The following IL17RB variants were observed in gnomAD, a reference collection of about 807,000 sequenced individuals.
IL17RB encodes the protein interleukin-17 receptor B.
In IL17RB, 36 loss-of-function variants were observed where a neutral mutation model predicts 43.9. That is an observed-to-expected ratio of 0.82 (90% confidence interval 0.63 to 1.08). The LOEUF (loss-of-function observed/expected upper bound fraction) is 1.08, where lower values mean the gene tolerates loss of function less well. Ranked by LOEUF, IL17RB falls within the 50% of genes least tolerant of loss-of-function variation. The pLI is 0.00. For missense variants in IL17RB, 613 were observed against 613.6 expected (o/e 1.00, Z 0.01); for synonymous variants, 225 against 225.4 (o/e 1.00, Z 0.02).
At position 53,860,116 on chromosome 3, in the gene IL17RB, TTTG is replaced by T. The variant is rs1342209996; in HGVS notation, c.848-11_848-9del. 6.2e-7 allele frequency: 1 copy of T among 1,603,990 alleles called. No individual in the cohort carries two copies. The highest frequency in any genetic ancestry group is 8.5e-7 in the Non-Finnish European group (1 of 1,171,904). Reference sequence around the variant, plus strand: ...ATTTGTTTTCCAAAGGTGAATAAGCTTTGTTTTTTCCAGACAAAAGCAAGCCGG... The same window carrying T: ...ATTTGTTTTCCAAAGGTGAATAAGCTTTTTTTCCAGACAAAAGCAAGCCGG... On this transcript the variant is annotated splice_polypyrimidine_tract_variant and intron_variant, in intron 9 of 10. Transcript: ENST00000288167.
chr3:53,853,004 T>C lies in IL17RB; in HGVS notation c.481+7T>C. On this transcript the variant is annotated splice_region_variant and intron_variant, in intron 5 of 10. Transcript: ENST00000288167. ...GTGAATTTCACCTCACCAGGTAAACTTCCTCATTTGTTTATTATTCTTTGT... is the reference window on the plus strand; with the variant it reads ...GTGAATTTCACCTCACCAGGTAAACCTCCTCATTTGTTTATTATTCTTTGT... 6.2e-7 allele frequency: 1 copy of C among 1,613,936 alleles called. No individual in the cohort carries two copies.
chr3:53,863,262 T>G (rs1699633574), intron 10 of IL17RB, among the ~76,000 whole-genome samples: 1 of 152,200 alleles, frequency 6.6e-6, no homozygotes, highest in Non-Finnish European at 1.5e-5. Context: ...TTCAACTGCA[T>G]GCAGGGCCGG....
At chr3:53,850,808 A>C (rs1367166788) in intron 3 of IL17RB, among the ~76,000 whole-genome samples, 1 of 145,336 alleles carries the variant, frequency 6.9e-6, no homozygotes, top group Non-Finnish European at 1.5e-5. Flanking sequence ...CTCAAAATAA[A>C]ATAAAATAAA....
intron 10 of IL17RB, among the ~76,000 whole-genome samples, chr3:53,862,289 C>T (rs1699590111): frequency 6.6e-6 from 1 of 152,110 alleles, no homozygotes; most frequent in Admixed American, 6.5e-5. Context: ...CTTCAAGGCT[C>T]ATTACACACA....
At chr3:53,858,527 G>A (rs1699435338) in intron 8 of IL17RB, 192 bp from the exon 9 acceptor site, 7 of 1,419,516 alleles carry the variant, frequency 4.9e-6, no homozygotes, top group African/African-American at 2.9e-5. Flanking sequence ...TCTTGGGCAC[G>A]TGGGTCTCGG....
At chr3:53,860,846 C>T (rs1699538408) in intron 10 of IL17RB, 1 of 152,080 alleles carries the variant, frequency 6.6e-6, no homozygotes, top group African/African-American at 2.4e-5. Flanking sequence ...TCCTACCATA[C>T]CAATAGTTAA....
chr3:53,865,512 G>A lies in IL17RB; in HGVS notation c.*204G>A. 1.9e-6 allele frequency: 1 copy of A among 520,394 alleles called. No homozygotes were observed. The allele number at this position is 520,394 out of a possible 1,614,324, so 32.2% of individuals were successfully genotyped here. ...AAACTACATTTACAACTTCAAAGCTGTTTTATACATAGAAATCAATTACAG... is the reference window on the plus strand; with the variant it reads ...AAACTACATTTACAACTTCAAAGCTATTTTATACATAGAAATCAATTACAG... On this transcript the variant is annotated 3_prime_UTR_variant, in exon 11 of 11. Transcript: ENST00000288167.
chr3:53,849,656 G>T lies in IL17RB; in HGVS notation c.87G>T (p.Gly29=). The change falls in exon 3 of 11, where the codon GGG becomes GGT. Residue 29 remains glycine (G), a splice_region_variant and synonymous_variant. Coordinates refer to ENST00000288167, the MANE Select transcript of IL17RB (RefSeq NM_018725.4). The stretch of plus-strand genomic sequence containing the variant: ...CATGGAAGTCTTGCTTTTTCCCAGG[G>T]CCATCTCCAGAGTGGATGCTACAAC... ...EPTVQCGSET[G]PSPEWMLQHD... is the part of the protein sequence containing the mutation. The T allele has an allele frequency of 6.3e-7, 1 of 1,596,528 alleles. No homozygotes were observed. The highest frequency in any genetic ancestry group is 1.1e-5 in the South Asian group (1 of 88,348).
intron 3 of IL17RB, among the ~76,000 whole-genome samples, chr3:53,851,581 A>C (rs1170317824): frequency 6.6e-6 from 1 of 152,164 alleles, no homozygotes; most frequent in Non-Finnish European, 1.5e-5. Context: ...GCATGGATAA[A>C]GGTGCAATCG....
chr3:53,858,329 A>G, intron 8 of IL17RB: 1 of 1,019,772 alleles, frequency 9.8e-7, no homozygotes, highest in South Asian at 3.9e-5. Context: ...CTGGAGAACC[A>G]TAGACTTCCC....
chr3:53,846,765 G>A, intron 1 of IL17RB, 117 bp downstream of exon 1: 1 of 1,022,206 alleles, frequency 9.8e-7, no homozygotes, highest in Non-Finnish European at 1.4e-6. Context: ...CCGGCTCAAG[G>A]GGCATGCCTG....
intron 8 of IL17RB, 51 bp downstream of exon 8, chr3:53,857,741 C>A: frequency 6.8e-7 from 1 of 1,464,840 alleles, no homozygotes; most frequent in Non-Finnish European, 9.6e-7. Flanking sequence ...GAAGACTGTT[C>A]CATCATTCAT....
In IL17RB at chr3:53,865,052, A is replaced by G. The variant is rs954661861; in HGVS notation, c.1253A>G (p.Asn418Ser). The G allele has an allele frequency of 6.2e-7, 1 of 1,613,912 alleles. No homozygotes were observed. The highest frequency in any genetic ancestry group is 1.3e-5 in the African/African-American group (1 of 74,882). Residue 418 changes from asparagine to serine, a missense_variant, in exon 11 of 11, where the codon AAC becomes AGC. Transcript: ENST00000288167. ...CGKSEGSPSE[N>S]SQDLFPLAFN... ...AAGAGCGAGGGCAGTCCCAGTGAGA[A>G]CTCTCAAGACCTCTTCCCCCTTGCC...
chr3:53,857,624 G>C lies in IL17RB; in HGVS notation c.681G>C (p.Gln227His). The change falls in exon 8 of 11, where the codon CAG becomes CAC. Residue 227 changes from glutamine (Q) to histidine (H), a missense_variant. Physicochemically the swap from Gln to His is conservative, Grantham distance 24. Coordinates refer to ENST00000288167, the MANE Select transcript of IL17RB (RefSeq NM_018725.4). ...IGFSQVFEPH[Q>H]KKQTRASVVI... ...ACTCTCTCTCTCTTAAGCCACACCAGAAGAAACAAACGCGAGCTTCAGTGG... is the reference window on the plus strand; with the variant it reads ...ACTCTCTCTCTCTTAAGCCACACCACAAGAAACAAACGCGAGCTTCAGTGG... The C allele has an allele frequency of 6.2e-7, 1 of 1,614,146 alleles. No homozygotes were observed. The highest frequency in any genetic ancestry group is 8.5e-7 in the Non-Finnish European group (1 of 1,179,976).
chr3:53,857,590 T>A, intron 7 of IL17RB, 26 bp from the exon 8 acceptor site: 1 of 1,610,950 alleles, frequency 6.2e-7, no homozygotes, highest in Non-Finnish European at 8.5e-7. Context: ...TGGCACCTCA[T>A]AATTCTTGAC....
At chr3:53,859,128 G>A (rs1699462056) in intron 9 of IL17RB, 1 of 258,526 alleles carries the variant, frequency 3.9e-6, no homozygotes, top group Non-Finnish European at 7.4e-6. Context: ...AGCCAAAGAT[G>A]TAAGATGGCT....
chr3:53,865,102 A>G lies in IL17RB; in HGVS notation c.1303A>G (p.Arg435Gly). 1.2e-6 allele frequency: 2 copies of G among 1,614,160 alleles called. No homozygotes were observed. Among genetic ancestry groups the G allele is most frequent in the South Asian group, 1.1e-5 (1 of 91,078 alleles). ...LAFNLFCSDL[R>G]SQIHLHKYVV... The stretch of plus-strand genomic sequence containing the variant: ...CTTTAACCTTTTCTGCAGTGATCTA[A>G]GAAGCCAGATTCATCTGCACAAATA... Residue 435 changes from arginine to glycine, a missense_variant, in exon 11 of 11, where the codon AGA becomes GGA. Physicochemically the swap from Arg to Gly is moderately radical, Grantham distance 125. Coordinates refer to ENST00000288167, the MANE Select transcript of IL17RB (RefSeq NM_018725.4).
intron 9 of IL17RB, chr3:53,859,553 T>A (rs1321263816): frequency 6.6e-6 from 1 of 152,496 alleles, no homozygotes; most frequent in Non-Finnish European, 1.5e-5. Context: ...TGTATGTCAG[T>A]CTAACAAGAC....
chr3:53,865,061 A>C lies in IL17RB; in HGVS notation c.1262A>C (p.Asp421Ala). The C allele has an allele frequency of 6.2e-7, 1 of 1,614,054 alleles. No homozygotes were observed. The highest frequency in any genetic ancestry group is 8.5e-7 in the Non-Finnish European group (1 of 1,179,990). Reference sequence around the variant, plus strand: ...GGCAGTCCCAGTGAGAACTCTCAAGACCTCTTCCCCCTTGCCTTTAACCTT... The same window carrying C: ...GGCAGTCCCAGTGAGAACTCTCAAGCCCTCTTCCCCCTTGCCTTTAACCTT... ...SEGSPSENSQ[D>A]LFPLAFNLFC... is the part of the protein sequence containing the mutation. The change falls in exon 11 of 11, where the codon GAC (aspartate) becomes GCC (alanine). Residue 421 changes from aspartate (D) to alanine (A), a missense_variant. Transcript: ENST00000288167.
Sources: gnomAD v4.1 joint callset for allele counts (sites outside exome capture counted in the v4.1 genomes callset) on GRCh38, gnomAD v4.1.1 for gene constraint, MANE v1.5 for transcripts, NCBI Gene and HGNC (gene_info 2026-07-23, HGNC 2026-07-21) for gene names.